The following SACS variants were observed in gnomAD, a reference collection of about 807,000 sequenced individuals.
SACS encodes sacsin molecular chaperone.
SACS carries 197 observed loss-of-function variants against 348.0 expected under a neutral mutation model. The observed-to-expected ratio is 0.57, with a 90% CI of 0.50 to 0.64. SACS has a LOEUF of 0.64. Among genes scored for constraint, SACS ranks in the 30% least tolerant of loss-of-function variants. The pLI, the probability that SACS is intolerant of heterozygous loss-of-function variation, is 0.00. For synonymous variants in SACS, 1,985 were observed against 1,910.6 expected, an observed-to-expected ratio of 1.04 and a Z score of -1.02; for missense variants, 4,999 against 5,360.8, an observed-to-expected ratio of 0.93 and a Z score of 2.11.
Position 23,334,302 on chromosome 13 carries a change from A to C in SACS, c.9574T>G (p.Leu3192Val). The change falls in exon 10 of 10, where the codon TTA becomes GTA. Residue 3192 changes from leucine (L) to valine (V), a missense_variant. By Grantham distance (32) the Leu-to-Val change is conservative. Around this residue, in one of 6 missense-constraint regions of SACS, gnomAD observed 734 missense variants for 694.0 expected, o/e 1.06. Transcript: ENST00000382292. ...PSRKDLFMNT[L>V]YLKYSNILLN... ...AAAATATTACTATATTTCAAATATA[A>C]TGTATTCATAAACAAGTCTTTGCGG... 4.4e-6 allele frequency: 7 copies of C among 1,605,364 alleles called. No individual in the cohort carries two copies. The highest frequency in any genetic ancestry group is 6.0e-6 in the Non-Finnish European group (7 of 1,175,194).
intron 6 of SACS, among the ~76,000 whole-genome samples, chr13:23,363,002 C>T (rs1170645345): frequency 1.3e-5 from 2 of 150,988 alleles, no homozygotes; most frequent in African/African-American, 4.9e-5. Flanking sequence ...CTCTGCCTCC[C>T]GGGTTCAAGG....
intron 9 of SACS, among the ~76,000 whole-genome samples, chr13:23,353,211 C>T (rs966432771): frequency 1.3e-5 from 2 of 152,172 alleles, no homozygotes; most frequent in African/African-American, 4.8e-5. Context: ...TTAAGACCCC[C>T]GCAAGACCCT....
intron 2 of SACS, among the ~76,000 whole-genome samples, chr13:23,393,934 G>A (rs910588912): frequency 2.0e-5 from 3 of 152,006 alleles, no homozygotes; most frequent in African/African-American, 7.2e-5. Context: ...CTAATTTTTT[G>A]TATTTTTAGT....
In SACS at chr13:23,334,819, A is replaced by G. The variant is rs1180500330; in HGVS notation, c.9057T>C (p.Thr3019=). Residue 3019 remains threonine, a synonymous_variant, in exon 10 of 10, where the codon ACT becomes ACC. Transcript: ENST00000382292. ...AVIITWINMS[T]SNKTRPFFDN... Reference sequence around the variant, plus strand: ...CAAAAAATGGTCTAGTTTTATTAGAAGTAGACATATTGATCCAAGTAATTA... The same window carrying G: ...CAAAAAATGGTCTAGTTTTATTAGAGGTAGACATATTGATCCAAGTAATTA... 6.2e-7 allele frequency: 1 copy of G among 1,613,856 alleles called. No homozygotes were observed. The highest frequency in any genetic ancestry group is 8.5e-7 in the Non-Finnish European group (1 of 1,179,826).
Position 23,331,860 on chromosome 13 carries a change from A to G in SACS, c.12016T>C (p.Leu4006=), listed in dbSNP as rs747957314. ...CCTGTAATGAACTGTTCAGAAGACA[A>G]GAGTAACTGCAATCTTCCTTGAAGA... ...CSLQGRLQLL[L]SSEQFITGLI... The change falls in exon 10 of 10, where the codon TTG becomes CTG. Residue 4006 remains leucine, a synonymous_variant. Transcript: ENST00000382292. The G allele has an allele frequency of 1.9e-6, 3 of 1,614,090 alleles. No individual in the cohort carries two copies. The South Asian group carries it at 3.3e-5, about 18-fold the overall frequency.
At chr13:23,365,304 GTAAT>G (rs1276737251) in intron 5 of SACS, 27 bp from the exon 6 acceptor site, 1 of 1,274,122 alleles carries the variant, frequency 7.8e-7, no homozygotes. Flanking sequence ...CCAAAAAATA[GTAAT>G]TAATAACACA....
At chr13:23,409,039 A>ATTTTTTTTTT in intron 2 of SACS, among the ~76,000 whole-genome samples, 5 of 66,810 alleles carry the variant, frequency 7.5e-5, no homozygotes, top group Non-Finnish European at 1.5e-4. Context: ...AACAAGTTTT[A>ATTTTTTTTTT]CTTTTTTTTT....
chr13:23,408,233 T>A (rs1288552597), intron 2 of SACS, among the ~76,000 whole-genome samples: 1 of 152,034 alleles, frequency 6.6e-6, no homozygotes, highest in Non-Finnish European at 1.5e-5. Flanking sequence ...AGCCCAAGTA[T>A]GCCCTGCTCT....
rs780184251 is a variant in SACS, at chr13:23,358,377, C to T, written c.562G>A (p.Gly188Arg). 6 of 1,614,026 alleles carry T rather than the reference C, an allele frequency of 3.7e-6. No individual in the cohort carries two copies. The highest frequency in any genetic ancestry group is 3.3e-5 in the South Asian group (3 of 91,084). Residue 188 changes from glycine to arginine, a missense_variant, in exon 7 of 10, where the codon GGA becomes AGA. Physicochemically the swap from Gly to Arg is moderately radical, Grantham distance 125. Coordinates refer to ENST00000382292, the MANE Select transcript of SACS (RefSeq NM_014363.6). ...GAATTAAACCCAATTCCAAATCTTC[C>T]GACCTTCAGAGGATCATCCTTTTTC... Reference protein sequence around the residue: ...SRKKDDPLKVGRFGIGFNSVY... With the variant: ...SRKKDDPLKVRRFGIGFNSVY...
At chr13:23,387,592 T>TA (rs1389183424) in intron 2 of SACS, among the ~76,000 whole-genome samples, 2 of 152,086 alleles carry the variant, frequency 1.3e-5, no homozygotes, top group African/African-American at 4.8e-5. Flanking sequence ...CTGGTCACCC[T>TA]GACCGTTTCT....
chr13:23,421,159 G>T (rs1194918743), intron 1 of SACS, among the ~76,000 whole-genome samples: 2 of 151,886 alleles, frequency 1.3e-5, no homozygotes, highest in Non-Finnish European at 2.9e-5. Context: ...CGTGGTACCT[G>T]ATATCCACCT....
chr13:23,337,603 A>G lies in SACS; in HGVS notation c.6273T>C (p.Val2091=). ...AAGGAATACATGGAGTAACACGAAG[A>G]ACTCCCGAGAACTCATCAACTTTTT... ...LNEKVDEFSG[V]LRVTPCIPCS... is the part of the protein sequence containing the mutation. The change falls in exon 10 of 10, where the codon GTT becomes GTC. Residue 2091 remains valine, a synonymous_variant. Coordinates refer to ENST00000382292, the MANE Select transcript of SACS (RefSeq NM_014363.6). 6.2e-7 allele frequency: 1 copy of G among 1,613,948 alleles called. No homozygotes were observed. The highest frequency in any genetic ancestry group is 2.2e-5 in the East Asian group (1 of 44,870).
chr13:23,333,545 C>T lies in SACS; in HGVS notation c.10331G>A (p.Trp3444Ter). 6.2e-7 allele frequency: 1 copy of T among 1,613,446 alleles called. No homozygotes were observed. Among genetic ancestry groups the T allele is most frequent in the Non-Finnish European group, 8.5e-7 (1 of 1,179,644 alleles). The change falls in exon 10 of 10, where the codon TGG (tryptophan) becomes TAG (stop). Residue 3444 changes from tryptophan (W) to a stop codon, truncating the protein, a stop_gained. Transcript: ENST00000382292. LOFTEE classifies it high-confidence loss of function. ...KSIPSAEVEK[W>*]TQSSSSAFLE... ...AAATGCAGATGATGATGACTGTGTC[C>T]ATTTCTCCACTTCAGCTGAAGGGAT...
In SACS at chr13:23,383,835, C is replaced by T. The variant is rs1486722849; in HGVS notation, c.21-8566G>A. Among the ~76,000 whole-genome samples, 3 of 152,310 alleles carry T rather than the reference C, an allele frequency of 2.0e-5. No individual in the cohort carries two copies. In the East Asian group the frequency reaches 5.8e-4, roughly 29 times the overall value. The stretch of plus-strand genomic sequence containing the variant: ...ACATATTTACTTGCTAAGTCCCCCT[C>T]TGGAGACATTCAAGAGCAGAAAACA... On this transcript the variant is annotated intron_variant, in intron 2 of 9. Coordinates refer to ENST00000382292, the MANE Select transcript of SACS (RefSeq NM_014363.6).
rs1355718996 is a variant in SACS at position 23,339,953 on chromosome 13, G to T, written c.3923C>A (p.Pro1308His). ...TTGGTGGAATTTTGCCATGGTTTTA[G>T]GTACATTATGCAAATAAGGCTGAAG... ...LDLQPYLHNV[P>H]KTMAKFHQLF... The change falls in exon 10 of 10, where the codon CCT (proline) becomes CAT (histidine). Residue 1308 changes from proline (P) to histidine (H), a missense_variant. By Grantham distance (77) the Pro-to-His change is moderately conservative. Transcript: ENST00000382292. 1.2e-6 allele frequency: 2 copies of T among 1,613,778 alleles called. No homozygotes were observed. Among genetic ancestry groups the T allele is most frequent in the African/African-American group, 2.7e-5 (2 of 74,904 alleles).
In SACS at chr13:23,336,873, T is replaced by C. The variant is rs143414642; in HGVS notation, c.7003A>G (p.Met2335Val). ...EALMQNEITK[M>V]SIIDKLKPFS... ...GGTTTTAACTTATCAATAATTGACA[T>C]CTTAGTGATTTCATTTTGCATCAAG... The change falls in exon 10 of 10, where the codon ATG becomes GTG. Residue 2335 changes from methionine (M) to valine (V), a missense_variant. Physicochemically the swap from Met to Val is conservative, Grantham distance 21. This residue lies in a region of SACS where 3,156 missense variants were observed against 3,380.1 expected (regional missense o/e 0.93). Transcript: ENST00000382292. The C allele has an allele frequency of 1.1e-5, 17 of 1,613,454 alleles. No individual in the cohort carries two copies. The African/African-American group carries it at 2.0e-4, about 19-fold the overall frequency.
Position 23,357,046 on chromosome 13 carries a change from A to G in SACS, c.605-1039T>C, listed in dbSNP as rs111388109. On this transcript the variant is annotated intron_variant, in intron 7 of 9. Coordinates refer to ENST00000382292, the MANE Select transcript of SACS (RefSeq NM_014363.6). ...TCCTGACAAGATAAAAGCATGACCT[A>G]TGACCTATGACCTTCTCAAATCCTT... 4.9e-3 allele frequency among the ~76,000 whole-genome samples: 744 copies of G among 152,318 alleles called. 8 individuals are homozygous for G. The highest frequency in any genetic ancestry group is 0.017 in the African/African-American group (689 of 41,572).
intron 9 of SACS, among the ~76,000 whole-genome samples, chr13:23,350,690 T>C (rs900293463): frequency 2.6e-5 from 4 of 152,224 alleles, no homozygotes; most frequent in Admixed American, 6.5e-5. Flanking sequence ...GTAATCATTA[T>C]GTAGAGCAAA....
At chr13:23,420,721 C>G (rs1873902554) in intron 1 of SACS, among the ~76,000 whole-genome samples, 1 of 152,050 alleles carries the variant, frequency 6.6e-6, no homozygotes, top group African/African-American at 2.4e-5. Context: ...TGAGGACTTC[C>G]TGGGCCTGGA....
Sources: allele counts gnomAD v4.1 joint callset (sites outside exome capture counted in the v4.1 genomes callset), GRCh38; gene constraint gnomAD v4.1.1; regional missense constraint gnomAD v4.1.1; transcripts MANE v1.5; gene names NCBI Gene and HGNC (gene_info 2026-07-23, HGNC 2026-07-21).